Variants in GPATCH2 observed in about 807,000 individuals in gnomAD.
The protein encoded by GPATCH2 is G-patch domain containing 2, also known as G patch domain-containing protein 2.
In GPATCH2, 51 loss-of-function variants were observed where a neutral mutation model predicts 58.0. The ratio of observed to expected loss-of-function variants is 0.88; its 90% CI spans 0.70 to 1.11. The LOEUF (loss-of-function observed/expected upper bound fraction) is 1.11. GPATCH2 is among the 50% of genes most tolerant of loss of function. GPATCH2 has a pLI of 0.00. For synonymous variants in GPATCH2, 222 were observed against 218.5 expected (o/e 1.02, Z -0.14); for missense variants, 625 against 652.2 (o/e 0.96, Z 0.45).
intron 5 of GPATCH2, among the ~76,000 whole-genome samples, chr1:217,543,271 T>G (rs889835382): frequency 6.2e-5 from 9 of 146,054 alleles, no homozygotes; most frequent in African/African-American, 1.8e-4. Context: ...ATGCGAACGT[T>G]TTTTTTTTTT....
chr1:217,459,213 C>T (rs1424089207), intron 8 of GPATCH2, among the ~76,000 whole-genome samples: 3 of 152,210 alleles, frequency 2.0e-5, no homozygotes, highest in South Asian at 2.1e-4. Flanking sequence ...TTCTTAGATG[C>T]TAAACTAAAC....
rs543944704 is a variant in GPATCH2 at position 217,468,316 on chromosome 1, C to CAAACA, written c.1278-18984_1278-18980dup. ...AATATCACCTTTGGAACAATCTTGC[C>CAAACA]AAACAAAACAAAACACCAAACCTGA... On this transcript the variant is annotated intron_variant, in intron 8 of 9. Coordinates refer to ENST00000366935, the MANE Select transcript of GPATCH2 (RefSeq NM_018040.5). Among the ~76,000 whole-genome samples, 216 of 152,132 alleles carry CAAACA rather than the reference C, an allele frequency of 1.4e-3. 1 individual carries two copies. Among genetic ancestry groups the CAAACA allele is most frequent in the Admixed American group, 2.9e-3 (44 of 15,274 alleles).
At chr1:217,514,064 T>C (rs1050445562) in intron 6 of GPATCH2, among the ~76,000 whole-genome samples, 6 of 152,072 alleles carry the variant, frequency 3.9e-5, no homozygotes, top group Admixed American at 1.3e-4. Flanking sequence ...TGACCTCAGA[T>C]GATCTGCCCG....
chr1:217,586,602 G>A (rs908484664), intron 5 of GPATCH2, among the ~76,000 whole-genome samples: 5 of 152,078 alleles, frequency 3.3e-5, no homozygotes, highest in Non-Finnish European at 5.9e-5. Context: ...CATTTTTGAA[G>A]GAGGATACTC....
intron 1 of GPATCH2, 151 bp downstream of exon 1, chr1:217,630,765 C>A: frequency 3.4e-6 from 2 of 585,860 alleles, no homozygotes; most frequent in Non-Finnish European, 3.0e-6. Context: ...CCTCAAACTG[C>A]GTGCATCCCA....
intron 8 of GPATCH2, among the ~76,000 whole-genome samples, chr1:217,465,149 A>G (rs1370713244): frequency 6.6e-6 from 1 of 152,050 alleles, no homozygotes; most frequent in African/African-American, 2.4e-5. Context: ...GGAGTGAGCC[A>G]TATGATGGAG....
intron 5 of GPATCH2, among the ~76,000 whole-genome samples, chr1:217,549,077 C>T (rs1486636112): frequency 6.6e-6 from 1 of 152,038 alleles, no homozygotes; most frequent in African/African-American, 2.4e-5. Flanking sequence ...TCTTTTCCTC[C>T]TTCTATACAG....
chr1:217,549,754 T>C (rs1558476582), intron 5 of GPATCH2, among the ~76,000 whole-genome samples: 1 of 152,078 alleles, frequency 6.6e-6, no homozygotes, highest in Non-Finnish European at 1.5e-5. Flanking sequence ...TATCAAAACA[T>C]AGAAAGACTT....
At chr1:217,496,341 C>T (rs140449401) in intron 7 of GPATCH2, among the ~76,000 whole-genome samples, 2,953 of 152,290 alleles carry the variant, frequency 0.019, 50 homozygotes, top group Non-Finnish European at 0.029. Context: ...GCCTCTAACA[C>T]GTTTCCAGCT....
intron 5 of GPATCH2, among the ~76,000 whole-genome samples, chr1:217,565,804 G>A (rs534064200): frequency 4.6e-5 from 7 of 152,160 alleles, no homozygotes; most frequent in African/African-American, 1.4e-4. Flanking sequence ...AATATCTACA[G>A]TAAGAGAGAT....
Position 217,620,237 on chromosome 1 carries a change from G to T in GPATCH2, c.319C>A (p.His107Asn). ...CTGTGATCTTTTTTATTATTATTGTGATTCTCTCTATAGTCCTTGCTTGGT... is the reference window on the plus strand; with the variant it reads ...CTGTGATCTTTTTTATTATTATTGTTATTCTCTCTATAGTCCTTGCTTGGT... ...EEPSKDYREN[H>N]NNNKKDHSDS... The change falls in exon 2 of 10, where the codon CAC (histidine) becomes AAC (asparagine). Residue 107 changes from histidine (H) to asparagine (N), a missense_variant. By Grantham distance (68) the His-to-Asn change is moderately conservative (BLOSUM62 1). Coordinates refer to ENST00000366935, the MANE Select transcript of GPATCH2 (RefSeq NM_018040.5). 3 of 1,613,680 alleles carry T rather than the reference G, an allele frequency of 1.9e-6. No individual in the cohort carries two copies. The highest frequency in any genetic ancestry group is 2.5e-6 in the Non-Finnish European group (3 of 1,179,702).
chr1:217,432,397 C>G (rs1484382558), intron 9 of GPATCH2, among the ~76,000 whole-genome samples: 1 of 152,010 alleles, frequency 6.6e-6, no homozygotes, highest in Non-Finnish European at 1.5e-5. Flanking sequence ...TAGGGAAAAA[C>G]TCAGAAGTAC....
intron 5 of GPATCH2, among the ~76,000 whole-genome samples, chr1:217,591,317 G>A (rs1205156285): frequency 6.6e-6 from 1 of 152,126 alleles, no homozygotes; most frequent in East Asian, 1.9e-4. Flanking sequence ...GTACGTGTGT[G>A]TGTGCGTAAG....
chr1:217,451,368 T>C (rs1571721954), intron 8 of GPATCH2, among the ~76,000 whole-genome samples: 1 of 152,294 alleles, frequency 6.6e-6, no homozygotes, highest in Non-Finnish European at 1.5e-5. Context: ...ACTTCTTAAC[T>C]ACAGAAACAC....
At chr1:217,556,803 GTATTCC>G (rs1159808431) in intron 5 of GPATCH2, among the ~76,000 whole-genome samples, 3 of 152,136 alleles carry the variant, frequency 2.0e-5, no homozygotes, top group African/African-American at 4.8e-5. Context: ...AAATCAGTGT[GTATTCC>G]CAGATACAAT....
chr1:217,438,535 A>T, intron 9 of GPATCH2, among the ~76,000 whole-genome samples: 1 of 152,192 alleles, frequency 6.6e-6, no homozygotes, highest in East Asian at 1.9e-4. Flanking sequence ...AACCTGATGA[A>T]ACTGAAAAAC....
chr1:217,566,964 C>T (rs538167790), intron 5 of GPATCH2, among the ~76,000 whole-genome samples: 7 of 151,734 alleles, frequency 4.6e-5, no homozygotes, highest in Non-Finnish European at 1.0e-4. Context: ...CAGTTATTTT[C>T]AGGCAAACAG....
At chr1:217,536,235 T>C (rs988613607) in intron 5 of GPATCH2, among the ~76,000 whole-genome samples, 1 of 152,218 alleles carries the variant, frequency 6.6e-6, no homozygotes. Flanking sequence ...CCTAGCTATG[T>C]TAATTAACTC....
At chr1:217,626,331 A>G (rs1669450632) in intron 1 of GPATCH2, among the ~76,000 whole-genome samples, 1 of 152,220 alleles carries the variant, frequency 6.6e-6, no homozygotes, top group East Asian at 1.9e-4. Context: ...TGAATGTTAT[A>G]AACTACTCAC....
Sources: gnomAD v4.1 joint callset for allele counts (sites outside exome capture counted in the v4.1 genomes callset) on GRCh38, gnomAD v4.1.1 for gene constraint, MANE v1.5 for transcripts, NCBI Gene and HGNC (gene_info 2026-07-23, HGNC 2026-07-21) for gene names.